The following NECTIN2 variants were observed in gnomAD, a reference collection of about 807,000 sequenced individuals.
NECTIN2 encodes the protein nectin cell adhesion molecule 2.
Under a neutral mutation model 56.9 loss-of-function variants are expected in NECTIN2, and 23 were observed. That is an observed-to-expected ratio of 0.40 (90% CI 0.29 to 0.57). NECTIN2 has a LOEUF of 0.57. Among genes scored for constraint, NECTIN2 ranks in the 20% least tolerant of loss-of-function variants. The probability of loss-of-function intolerance (pLI) is 0.38; values close to 1 mark genes in which losing one functional copy is unlikely to be tolerated. For missense variants in NECTIN2, 587 were observed against 718.3 expected (o/e 0.82, Z 2.09); for synonymous variants, 302 against 313.8 (o/e 0.96, Z 0.40).
At chr19:44,873,632 CAA>C (rs1177507139) in intron 3 of NECTIN2, among the ~76,000 whole-genome samples, 5 of 133,906 alleles carry the variant, frequency 3.7e-5, no homozygotes, top group South Asian at 2.3e-4. Context: ...GATCCTGTCT[CAA>C]AAACACACAC....
rs116929362 is a variant in NECTIN2, at chr19:44,848,174, T to C, written c.88+1561T>C. Among the ~76,000 whole-genome samples the C allele has an allele frequency of 1.1e-4, 17 of 152,240 alleles. No individual in the cohort carries two copies. The East Asian group carries it at 3.3e-3, about 30-fold the overall frequency. Reference sequence around the variant, plus strand: ...AGCTGGGAACTCCGCTTCCATCCCCTGCCTCTCCCTTCAGGCAGAAATAGG... The same window carrying C: ...AGCTGGGAACTCCGCTTCCATCCCCCGCCTCTCCCTTCAGGCAGAAATAGG... On this transcript the variant is annotated intron_variant, in intron 1 of 8. Transcript: ENST00000252483.
chr19:44,867,730 G>C (rs1452472709), intron 2 of NECTIN2, among the ~76,000 whole-genome samples: 1 of 152,164 alleles, frequency 6.6e-6, no homozygotes, highest in African/African-American at 2.4e-5. Flanking sequence ...CAAGGGCTTG[G>C]GTGACCCTCA....
intron 5 of NECTIN2, among the ~76,000 whole-genome samples, chr19:44,881,564 G>A (rs1425823374): frequency 1.3e-5 from 2 of 151,524 alleles, no homozygotes; most frequent in African/African-American, 4.9e-5. Context: ...GCACATGCCT[G>A]TAGTTCCAGC....
chr19:44,856,529 C>A (rs1968967638), intron 1 of NECTIN2, among the ~76,000 whole-genome samples: 1 of 152,182 alleles, frequency 6.6e-6, no homozygotes, highest in Admixed American at 6.6e-5. Context: ...CTTCCTCGGC[C>A]CCAGCCTACT....
chr19:44,855,549 G>A (rs1046824001), intron 1 of NECTIN2, among the ~76,000 whole-genome samples: 32 of 152,082 alleles, frequency 2.1e-4, no homozygotes, highest in African/African-American at 7.5e-4. Flanking sequence ...CTCTTCTTTC[G>A]TTCATCGTCC....
chr19:44,886,142 C>A lies in NECTIN2; in HGVS notation c.1270C>A (p.Leu424Ile). ...KLEAQEMPSQLFTLGASEHSP... is the reference protein window; with the variant it reads ...KLEAQEMPSQIFTLGASEHSP... ...CCCTCTCCCACTACAGCCCTCCCAG[C>A]TCTTCACTCTGGGGGCCTCGGAGCA... The change falls in exon 8 of 9, where the codon CTC becomes ATC. Residue 424 changes from leucine to isoleucine, a missense_variant. Coordinates refer to ENST00000252483, the MANE Select transcript of NECTIN2 (RefSeq NM_001042724.2). 6.2e-7 allele frequency: 1 copy of A among 1,612,806 alleles called. No homozygotes were observed. Among genetic ancestry groups the A allele is most frequent in the Non-Finnish European group, 8.5e-7 (1 of 1,179,072 alleles).
At chr19:44,877,565 G>C (rs1568597582) in intron 5 of NECTIN2, among the ~76,000 whole-genome samples, 1 of 152,238 alleles carries the variant, frequency 6.6e-6, no homozygotes, top group Non-Finnish European at 1.5e-5. Context: ...CACGGCACTT[G>C]GAATAAATGC....
At position 44,846,363 on chromosome 19, in the gene NECTIN2, G is replaced by C; in HGVS notation, c.-163G>C. 1 of 879,672 alleles carries C rather than the reference G, an allele frequency of 1.1e-6. No individual in the cohort carries two copies. Among genetic ancestry groups the C allele is most frequent in the Non-Finnish European group, 1.6e-6 (1 of 637,398 alleles). 54.5% of individuals were successfully genotyped at this position (879,672 alleles called of 1,614,324 possible). On this transcript the variant is annotated 5_prime_UTR_variant, in exon 1 of 9. Transcript: ENST00000252483. ...CCGGGGGTGCCGAGCCGGGCGGGGA[G>C]AGCTGGGCCGGGAGAGCAGAACAGG...
At chr19:44,887,322 C>A (rs1470767575) in intron 8 of NECTIN2, among the ~76,000 whole-genome samples, 1 of 151,440 alleles carries the variant, frequency 6.6e-6, no homozygotes, top group Non-Finnish European at 1.5e-5. Flanking sequence ...GCACTCCAGC[C>A]TAGGCAACAG....
chr19:44,861,690 G>A (rs1969033257), intron 1 of NECTIN2, among the ~76,000 whole-genome samples: 1 of 152,060 alleles, frequency 6.6e-6, no homozygotes. Flanking sequence ...GTGGGCAAAG[G>A]ACACGAACAG....
rs148488859 is a variant in NECTIN2, at chr19:44,865,677, C to T, written c.478+17C>T. The T allele has an allele frequency of 6.8e-5, 102 of 1,496,942 alleles. No homozygotes were observed. The East Asian group carries it at 2.1e-3, about 31-fold the overall frequency. The allele number at this position is 1,496,942 out of a possible 1,614,324, so 92.7% of individuals were successfully genotyped here. A position where few individuals can be genotyped will look rare whatever the true frequency, so the allele number is the denominator to read the frequency against. On this transcript the variant is annotated intron_variant, in intron 2 of 8. Coordinates refer to ENST00000252483, the MANE Select transcript of NECTIN2 (RefSeq NM_001042724.2). This position sits in a 1 kb window ranked among gnomAD's most constrained non-coding sequence, Gnocchi z 5.2. ...GAGTCATAGGTGAGCAGGGTAAGGG[C>T]GGGAGGCAAGGAGGTGGGAGGGCCG...
chr19:44,870,574 A>C (rs1969161956), intron 2 of NECTIN2, among the ~76,000 whole-genome samples: 1 of 152,116 alleles, frequency 6.6e-6, no homozygotes, highest in East Asian at 1.9e-4. Flanking sequence ...TATAAAAAAA[A>C]GAAACGGCTT....
chr19:44,852,366 T>C (rs1197407968), intron 1 of NECTIN2, among the ~76,000 whole-genome samples: 1 of 151,906 alleles, frequency 6.6e-6, no homozygotes, highest in Non-Finnish European at 1.5e-5. Context: ...CCCAGGCTGG[T>C]CTCCTGAGCT....
chr19:44,861,938 A>T (rs575581531), intron 1 of NECTIN2, among the ~76,000 whole-genome samples: 2 of 152,358 alleles, frequency 1.3e-5, no homozygotes, highest in East Asian at 3.9e-4. Context: ...CAGTATGGCG[A>T]TTCCTCAAAG....
chr19:44,888,056 T>C lies in NECTIN2; in HGVS notation c.1348-54T>C. The C allele has an allele frequency of 1.9e-6, 3 of 1,567,422 alleles. No individual in the cohort carries two copies. The South Asian group carries it at 3.5e-5, about 18-fold the overall frequency. On this transcript the variant is annotated intron_variant, in intron 8 of 8. Transcript: ENST00000252483. ...TTTGGGGTCAAGAGCAGATTGGTAA[T>C]CTGTGTCGTGCGTAGGAAGTGATCT...
chr19:44,871,519 C>T (rs1388677091), intron 2 of NECTIN2, among the ~76,000 whole-genome samples: 1 of 151,962 alleles, frequency 6.6e-6, no homozygotes, highest in Non-Finnish European at 1.5e-5. Context: ...CAGAGCGGGC[C>T]CCTGTCTCTA....
At position 44,880,475 on chromosome 19, in the gene NECTIN2, C is replaced by CTTTTT. The variant is rs4013742; in HGVS notation, c.1043-1710_1043-1706dup. ...TTCTCGACCCCTTTTCCTGTCTTGC[C>CTTTTT]TTTTTTTTTTTTTTTTTTTTTTTTT... On this transcript the variant is annotated intron_variant, in intron 5 of 8. Coordinates refer to ENST00000252483, the MANE Select transcript of NECTIN2 (RefSeq NM_001042724.2). Among the ~76,000 whole-genome samples the CTTTTT allele has an allele frequency of 2.9e-4, 20 of 68,880 alleles. 3 individuals carry two copies. Among genetic ancestry groups the CTTTTT allele is most frequent in the Admixed American group, 1.5e-3 (8 of 5,262 alleles). 45.2% of individuals were successfully genotyped at this position (68,880 alleles called of 152,430 possible). A position where few individuals can be genotyped will look rare whatever the true frequency, so the allele number is the denominator to read the frequency against.
At chr19:44,857,231 T>G (rs375972689) in intron 1 of NECTIN2, among the ~76,000 whole-genome samples, 2,623 of 126,670 alleles carry the variant, frequency 0.021, 59 homozygotes, top group African/African-American at 0.053. Flanking sequence ...TGATTACAAG[T>G]GGACTTTTTT....
intron 1 of NECTIN2, among the ~76,000 whole-genome samples, chr19:44,863,527 G>A (rs1473726867): frequency 2.0e-5 from 3 of 152,252 alleles, no homozygotes; most frequent in East Asian, 1.9e-4. Context: ...ATATATGTAT[G>A]TAAGAAACTG....
Sources: allele counts gnomAD v4.1 joint callset (sites outside exome capture counted in the v4.1 genomes callset), GRCh38; gene constraint gnomAD v4.1.1; non-coding constraint Gnocchi (gnomAD v3.1); transcripts MANE v1.5; gene names NCBI Gene and HGNC (gene_info 2026-07-23, HGNC 2026-07-21).